Variants in PPTC7 observed in about 807,000 individuals in gnomAD.
PPTC7 encodes the protein protein phosphatase targeting COQ7.
Under a neutral mutation model 30.8 loss-of-function variants are expected in PPTC7, and 6 were observed. The observed-to-expected ratio is 0.19, with a 90% CI of 0.11 to 0.38. PPTC7 has a LOEUF of 0.38. Ranked by LOEUF, PPTC7 falls within the 10% of genes least tolerant of loss-of-function variation. The probability of loss-of-function intolerance (pLI) is 1.00; values close to 1 mark genes in which losing one functional copy is unlikely to be tolerated. For missense variants in PPTC7, 218 were observed against 404.8 expected (o/e 0.54, Z 3.96); for synonymous variants, 163 against 168.1 (o/e 0.97, Z 0.23).
At chr12:110,580,497 C>G (rs778871792) in intron 1 of PPTC7, among the ~76,000 whole-genome samples, 1 of 152,018 alleles carries the variant, frequency 6.6e-6, no homozygotes, top group Non-Finnish European at 1.5e-5. Context: ...TGCCACCACA[C>G]CTGCCTAATT....
intron 1 of PPTC7, among the ~76,000 whole-genome samples, chr12:110,579,512 C>G (rs1057443852): frequency 6.6e-6 from 1 of 152,156 alleles, no homozygotes; most frequent in Non-Finnish European, 1.5e-5. Context: ...CAGGTGGTAT[C>G]AGAGGAGTCA....
intron 4 of PPTC7, among the ~76,000 whole-genome samples, chr12:110,538,696 T>A (rs2064236061): frequency 6.6e-6 from 1 of 152,192 alleles, no homozygotes. Flanking sequence ...AGGAAGAGAT[T>A]CCTGTCGAGC....
At chr12:110,571,272 T>C (rs1313437404) in intron 1 of PPTC7, among the ~76,000 whole-genome samples, 2 of 151,938 alleles carry the variant, frequency 1.3e-5, no homozygotes, top group Non-Finnish European at 2.9e-5. Flanking sequence ...TTTCAAATAA[T>C]AGAACAATTT....
intron 1 of PPTC7, among the ~76,000 whole-genome samples, chr12:110,567,971 A>G (rs2064499123): frequency 6.6e-6 from 1 of 152,032 alleles, no homozygotes; most frequent in Admixed American, 6.6e-5. Context: ...ACCTCTTTCT[A>G]CAGCTTCCTC....
rs1462188562 is a variant in PPTC7 at position 110,553,229 on chromosome 12, C to G, written c.224-1261G>C. On this transcript the variant is annotated intron_variant, in intron 1 of 5. Transcript: ENST00000354300. ...GTGGCGTGATCTCGGCTCACCGCAA[C>G]CTCTCCGCCTCCTGGGTTCAAGGGA... 2.0e-5 allele frequency among the ~76,000 whole-genome samples: 3 copies of G among 151,542 alleles called. No individual in the cohort carries two copies. In the East Asian group the frequency reaches 6.1e-4, roughly 31 times the overall value.
chr12:110,541,937 G>A (rs551607560), intron 3 of PPTC7, among the ~76,000 whole-genome samples: 6 of 152,066 alleles, frequency 3.9e-5, no homozygotes, highest in Non-Finnish European at 5.9e-5. Context: ...TTTGAGGTCA[G>A]GAGTTCAAGA....
At chr12:110,540,194 G>A (rs147747212) in intron 3 of PPTC7, among the ~76,000 whole-genome samples, 16 of 152,164 alleles carry the variant, frequency 1.1e-4, no homozygotes, top group African/African-American at 3.6e-4. Context: ...CTGATGATTA[G>A]TCACAAGTGG....
chr12:110,566,238 G>GT (rs1593160902), intron 1 of PPTC7, among the ~76,000 whole-genome samples: 1 of 152,176 alleles, frequency 6.6e-6, no homozygotes, highest in Non-Finnish European at 1.5e-5. Flanking sequence ...TTAACTAATA[G>GT]TTAACAGTTA....
chr12:110,562,670 G>A (rs901675171), intron 1 of PPTC7, among the ~76,000 whole-genome samples: 2 of 151,870 alleles, frequency 1.3e-5, no homozygotes, highest in African/African-American at 4.8e-5. Flanking sequence ...GCGCATGACT[G>A]TAATACCACC....
chr12:110,566,396 T>C (rs2064483327), intron 1 of PPTC7, among the ~76,000 whole-genome samples: 1 of 152,206 alleles, frequency 6.6e-6, no homozygotes, highest in Non-Finnish European at 1.5e-5. Context: ...ACACAGGCTC[T>C]GGAGGCAGAT....
chr12:110,552,660 C>T (rs1446679588), intron 1 of PPTC7, among the ~76,000 whole-genome samples: 8 of 152,248 alleles, frequency 5.3e-5, no homozygotes, highest in Admixed American at 5.2e-4. Context: ...GTCAGGAGAT[C>T]GAGACTGTCC....
chr12:110,562,522 A>G (rs1203251215), intron 1 of PPTC7, among the ~76,000 whole-genome samples: 2 of 152,088 alleles, frequency 1.3e-5, no homozygotes, highest in Admixed American at 1.3e-4. Context: ...GGCCCAGTGC[A>G]GTGGCTCACA....
At chr12:110,566,816 T>G (rs992875286) in intron 1 of PPTC7, among the ~76,000 whole-genome samples, 1 of 152,168 alleles carries the variant, frequency 6.6e-6, no homozygotes, top group East Asian at 1.9e-4. Flanking sequence ...CCATTCAATA[T>G]TCCATTAAAC....
At chr12:110,560,997 G>C (rs2064433951) in intron 1 of PPTC7, among the ~76,000 whole-genome samples, 2 of 152,148 alleles carry the variant, frequency 1.3e-5, no homozygotes, top group Non-Finnish European at 2.9e-5. Context: ...AATCTGGCAG[G>C]ATCACAATAA....
chr12:110,555,372 A>G (rs2064377616), intron 1 of PPTC7, among the ~76,000 whole-genome samples: 1 of 152,210 alleles, frequency 6.6e-6, no homozygotes, highest in Admixed American at 6.5e-5. Context: ...TAAGGGGTTG[A>G]AGGGGGAGTG....
chr12:110,563,564 G>A lies in PPTC7; in HGVS notation c.224-11596C>T, dbSNP rs150233023. Among the ~76,000 whole-genome samples the A allele has an allele frequency of 6.8e-3, 1,026 of 151,534 alleles. 17 individuals are homozygous for A. The highest frequency in any genetic ancestry group is 0.023 in the African/African-American group (951 of 41,278). ...TGGGAGGCAGAGGTTGTGGTGAGCC[G>A]AGACTGCGCCACTGCACGCCAGCCT... On this transcript the variant is annotated intron_variant, in intron 1 of 5. Coordinates refer to ENST00000354300, the MANE Select transcript of PPTC7 (RefSeq NM_139283.2).
Position 110,583,008 on chromosome 12 carries a change from C to T in PPTC7, c.24G>A (p.Gly8=). 2.7e-6 allele frequency: 4 copies of T among 1,485,880 alleles called. No homozygotes were observed. Among genetic ancestry groups the T allele is most frequent in the Non-Finnish European group, 3.6e-6 (4 of 1,124,854 alleles). 92.0% of individuals were successfully genotyped at this position (1,485,880 alleles called of 1,614,324 possible). ...CGAGCACGGCGCGGGCCACCAGCCG[C>T]CCGTACGAGAGGACCGAGAACATCG... is the stretch of plus-strand genomic sequence containing the variant. The part of the protein sequence containing the change: MFSVLSY[G]RLVARAVLGG... Residue 8 remains glycine (G), a synonymous_variant, in exon 1 of 6, where the codon GGG becomes GGA. Transcript: ENST00000354300.
At chr12:110,560,442 T>C (rs2064429946) in intron 1 of PPTC7, among the ~76,000 whole-genome samples, 2 of 151,980 alleles carry the variant, frequency 1.3e-5, no homozygotes, top group African/African-American at 4.8e-5. Flanking sequence ...AACCAAATGA[T>C]AGCTATCTTA....
chr12:110,562,167 C>T (rs948102727), intron 1 of PPTC7, among the ~76,000 whole-genome samples: 3 of 151,208 alleles, frequency 2.0e-5, no homozygotes, highest in Non-Finnish European at 4.4e-5. Context: ...TGCCTGTAGT[C>T]CCAGCTACTC....
Sources: gnomAD v4.1 joint callset for allele counts (sites outside exome capture counted in the v4.1 genomes callset) on GRCh38, gnomAD v4.1.1 for gene constraint, MANE v1.5 for transcripts, NCBI Gene and HGNC (gene_info 2026-07-23, HGNC 2026-07-21) for gene names.